The following TAFA4 variants were observed in gnomAD, a reference collection of about 807,000 sequenced individuals.
TAFA4 encodes chemokine-like protein TAFA-4.
Under a neutral mutation model 21.1 loss-of-function variants are expected in TAFA4, and 20 were observed. The observed-to-expected ratio is 0.95, with a 90% CI of 0.67 to 1.38. TAFA4 has a LOEUF of 1.38. Ranked by LOEUF, TAFA4 falls within the 40% of genes most tolerant of loss-of-function variation. TAFA4 has a pLI of 0.00. For synonymous variants in TAFA4, 71 were observed against 67.4 expected, an observed-to-expected ratio of 1.05 and a Z score of -0.26; for missense variants, 211 against 180.9, an observed-to-expected ratio of 1.17 and a Z score of -0.95.
chr3:68,800,327 T>C (rs959939111), intron 3 of TAFA4, among the ~76,000 whole-genome samples: 1 of 152,166 alleles, frequency 6.6e-6, no homozygotes, highest in African/African-American at 2.4e-5. Flanking sequence ...TATGAGATGA[T>C]AAATTTGTGT....
chr3:68,880,589 A>G, intron 3 of TAFA4, 141 bp downstream of exon 3: 1 of 641,360 alleles, frequency 1.6e-6, no homozygotes, highest in Non-Finnish European at 2.7e-6. Context: ...AAACTGTGTT[A>G]CTCCGCCATA....
chr3:68,756,406 T>G (rs933832686), intron 3 of TAFA4, among the ~76,000 whole-genome samples: 2 of 152,242 alleles, frequency 1.3e-5, no homozygotes, highest in Admixed American at 1.3e-4. Flanking sequence ...ATCTACTCAT[T>G]AAAAGAGGTT....
At chr3:68,899,355 G>A (rs1341305207) in intron 1 of TAFA4, among the ~76,000 whole-genome samples, 1 of 150,982 alleles carries the variant, frequency 6.6e-6, no homozygotes, top group Non-Finnish European at 1.5e-5. Context: ...CAGGCACACT[G>A]GTATAACCAA....
At chr3:68,861,175 G>A (rs571193760) in intron 3 of TAFA4, among the ~76,000 whole-genome samples, 8 of 151,586 alleles carry the variant, frequency 5.3e-5, no homozygotes, top group Non-Finnish European at 1.0e-4. Flanking sequence ...TCTTTCTCTC[G>A]GGGGTAGTGG....
intron 3 of TAFA4, among the ~76,000 whole-genome samples, chr3:68,777,559 A>G (rs1479224695): frequency 1.3e-5 from 2 of 152,128 alleles, no homozygotes; most frequent in African/African-American, 4.8e-5. Context: ...CCCAAGAATA[A>G]CCATTTTTAA....
chr3:68,840,811 A>G (rs1704644197), intron 3 of TAFA4, among the ~76,000 whole-genome samples: 1 of 152,174 alleles, frequency 6.6e-6, no homozygotes, highest in South Asian at 2.1e-4. Context: ...ATGTCTGCCA[A>G]AGACCACACT....
At chr3:68,931,348 C>A (rs1313496973) in intron 1 of TAFA4, among the ~76,000 whole-genome samples, 2 of 152,178 alleles carry the variant, frequency 1.3e-5, no homozygotes, top group Non-Finnish European at 2.9e-5. Context: ...CGTGCATGTA[C>A]ATACTGCTTA....
chr3:68,925,318 A>C (rs1170630474), intron 1 of TAFA4, among the ~76,000 whole-genome samples: 1 of 152,238 alleles, frequency 6.6e-6, no homozygotes, highest in African/African-American at 2.4e-5. Context: ...GAAGGCAGAG[A>C]AAAGGTAATA....
In TAFA4 at chr3:68,761,710, A is replaced by G. The variant is rs1012830027; in HGVS notation, c.131-8692T>C. On this transcript the variant is annotated intron_variant, in intron 3 of 5. Coordinates refer to ENST00000295569, the MANE Select transcript of TAFA4 (RefSeq NM_182522.5). ...TGTGACATATATTTTAAAAGATTCTACTGTGATCAGAGCAGATTAAAGAGG... is the reference window on the plus strand; with the variant it reads ...TGTGACATATATTTTAAAAGATTCTGCTGTGATCAGAGCAGATTAAAGAGG... Among the ~76,000 whole-genome samples the G allele has an allele frequency of 3.9e-5, 6 of 152,224 alleles. No homozygotes were observed. The East Asian group carries it at 9.6e-4, about 24-fold the overall frequency.
rs553369249 is a variant in TAFA4, at chr3:68,907,434, C to T, written c.-122-22124G>A. On this transcript the variant is annotated intron_variant, in intron 1 of 5. Transcript: ENST00000295569. ...AAAGGCTAGAATGAGCTGAACCCGGCAGAAAATGCAAAGAGCTACAAAAGG... is the reference window on the plus strand; with the variant it reads ...AAAGGCTAGAATGAGCTGAACCCGGTAGAAAATGCAAAGAGCTACAAAAGG... 2.0e-5 allele frequency among the ~76,000 whole-genome samples: 3 copies of T among 152,226 alleles called. No homozygotes were observed. In the South Asian group the frequency reaches 6.2e-4, roughly 32 times the overall value.
intron 1 of TAFA4, among the ~76,000 whole-genome samples, chr3:68,903,776 T>G (rs113917300): frequency 1.1e-4 from 16 of 152,320 alleles, no homozygotes; most frequent in African/African-American, 3.8e-4. Context: ...AAAACATTAT[T>G]ATGAGACAGG....
At chr3:68,776,898 C>G (rs1477544196) in intron 3 of TAFA4, among the ~76,000 whole-genome samples, 2 of 151,956 alleles carry the variant, frequency 1.3e-5, no homozygotes, top group Non-Finnish European at 2.9e-5. Flanking sequence ...AAATAATCAT[C>G]AAGTCAAAGA....
intron 3 of TAFA4, among the ~76,000 whole-genome samples, chr3:68,874,990 T>A (rs1349099415): frequency 6.6e-6 from 1 of 152,122 alleles, no homozygotes; most frequent in Non-Finnish European, 1.5e-5. Flanking sequence ...AGAAATATAA[T>A]ATGGGGTACA....
At chr3:68,834,318 G>C (rs1034551513) in intron 3 of TAFA4, among the ~76,000 whole-genome samples, 10 of 152,110 alleles carry the variant, frequency 6.6e-5, no homozygotes, top group African/African-American at 2.4e-4. Flanking sequence ...CATACCCAAA[G>C]CCATGGTCTC....
At chr3:68,777,252 G>A (rs1007555219) in intron 3 of TAFA4, among the ~76,000 whole-genome samples, 1 of 152,024 alleles carries the variant, frequency 6.6e-6, no homozygotes, top group Non-Finnish European at 1.5e-5. Context: ...CACACTGCGG[G>A]AACATATTTA....
At chr3:68,831,765 C>G (rs922409104) in intron 3 of TAFA4, among the ~76,000 whole-genome samples, 1 of 152,146 alleles carries the variant, frequency 6.6e-6, no homozygotes, top group Non-Finnish European at 1.5e-5. Context: ...TGGATAATAT[C>G]CTGAAGAGTG....
chr3:68,807,234 T>C (rs7635758), intron 3 of TAFA4, among the ~76,000 whole-genome samples: 2,199 of 152,274 alleles, frequency 0.014, 49 homozygotes, highest in African/African-American at 0.05. Flanking sequence ...GTTTATCCTC[T>C]TCCAGTGCTT....
intron 3 of TAFA4, among the ~76,000 whole-genome samples, chr3:68,812,772 C>T (rs947972346): frequency 5.3e-5 from 8 of 151,786 alleles, no homozygotes; most frequent in Admixed American, 2.6e-4. Flanking sequence ...TCAACAAGAC[C>T]GAAAGTTAAG....
intron 5 of TAFA4, 110 bp downstream of exon 5, chr3:68,738,965 C>T: frequency 2.7e-6 from 4 of 1,466,900 alleles, no homozygotes; most frequent in Non-Finnish European, 3.7e-6. Flanking sequence ...ACTGCCCAAG[C>T]AGGTTTATTA....
Sources: gnomAD v4.1 joint callset for allele counts (sites outside exome capture counted in the v4.1 genomes callset) on GRCh38, gnomAD v4.1.1 for gene constraint, MANE v1.5 for transcripts, NCBI Gene and HGNC (gene_info 2026-07-23, HGNC 2026-07-21) for gene names.